Variants in NPAS3 observed in about 807,000 individuals in gnomAD.
NPAS3 encodes neuronal PAS domain protein 3, also known as neuronal PAS domain-containing protein 3.
Under a neutral mutation model 73.1 loss-of-function variants are expected in NPAS3, and 14 were observed. The observed-to-expected ratio is 0.19, with a 90% CI of 0.13 to 0.30. The LOEUF (loss-of-function observed/expected upper bound fraction) is 0.30. NPAS3 is among the 10% of genes least tolerant of loss of function. The pLI, the probability that NPAS3 is intolerant of heterozygous loss-of-function variation, is 1.00. For synonymous variants in NPAS3, 620 were observed against 541.5 expected (o/e 1.14, Z -2.01); for missense variants, 1,096 against 1,250.0 (o/e 0.88, Z 1.86).
chr14:32,992,383 T>C (rs2038369241), intron 1 of NPAS3, among the ~76,000 whole-genome samples: 1 of 152,218 alleles, frequency 6.6e-6, no homozygotes. Flanking sequence ...GTTCTAGTTA[T>C]GGTAGAAATT....
chr14:32,997,416 G>C (rs1447667763), intron 1 of NPAS3, among the ~76,000 whole-genome samples: 1 of 152,054 alleles, frequency 6.6e-6, no homozygotes, highest in Non-Finnish European at 1.5e-5. Context: ...GGAGGGACCG[G>C]GGTGAAATGA....
intron 1 of NPAS3, among the ~76,000 whole-genome samples, chr14:33,023,635 C>T (rs2039685573): frequency 6.6e-6 from 1 of 152,096 alleles, no homozygotes; most frequent in Admixed American, 6.6e-5. Context: ...CAGAATACAT[C>T]CTTTTCATAT....
intron 3 of NPAS3, among the ~76,000 whole-genome samples, chr14:33,334,114 T>G (rs962575541): frequency 6.6e-6 from 1 of 152,196 alleles, no homozygotes; most frequent in Non-Finnish European, 1.5e-5. Flanking sequence ...AAAGTCAGTA[T>G]GGCAGGTTCA....
intron 4 of NPAS3, among the ~76,000 whole-genome samples, chr14:33,384,397 G>GTT (rs34396057): frequency 6.7e-6 from 1 of 150,132 alleles, no homozygotes; most frequent in Admixed American, 6.7e-5. Context: ...GTGTGTGTGT[G>GTT]TTTTTAATGT....
chr14:33,563,533 CACACAG>C (rs1162839327), intron 5 of NPAS3, among the ~76,000 whole-genome samples: 5 of 112,490 alleles, frequency 4.4e-5, no homozygotes, highest in Non-Finnish European at 9.0e-5. Context: ...CACACACACA[CACACAG>C]AGAGAGAGAG....
intron 4 of NPAS3, among the ~76,000 whole-genome samples, chr14:33,439,858 G>C (rs567801663): frequency 1.3e-5 from 2 of 152,212 alleles, no homozygotes; most frequent in East Asian, 3.9e-4. Context: ...GCTCACGCCT[G>C]TAATCCCAGC....
At chr14:33,679,024 C>T (rs564813974) in intron 6 of NPAS3, among the ~76,000 whole-genome samples, 1 of 152,290 alleles carries the variant, frequency 6.6e-6, no homozygotes, top group South Asian at 2.1e-4. Flanking sequence ...AATCATTTAA[C>T]ATTGAAGTGT....
At chr14:33,079,680 C>T (rs567359568) in intron 2 of NPAS3, among the ~76,000 whole-genome samples, 7 of 129,798 alleles carry the variant, frequency 5.4e-5, no homozygotes, top group South Asian at 2.5e-4. Flanking sequence ...GGTGCCATCT[C>T]GGCTAACTGC....
At chr14:33,246,517 G>A (rs1355455470) in intron 3 of NPAS3, among the ~76,000 whole-genome samples, 3 of 135,094 alleles carry the variant, frequency 2.2e-5, no homozygotes, top group Admixed American at 7.9e-5. Context: ...TCCAGCCTGG[G>A]CAACAGCGAG....
intron 4 of NPAS3, among the ~76,000 whole-genome samples, chr14:33,385,782 G>A (rs757370446): frequency 2.6e-4 from 40 of 152,082 alleles, no homozygotes; most frequent in Non-Finnish European, 5.7e-4. Context: ...GCATCTGCTC[G>A]GGTTATGTCA....
intron 3 of NPAS3, among the ~76,000 whole-genome samples, chr14:33,270,166 C>A (rs1306743485): frequency 6.6e-6 from 1 of 152,116 alleles, no homozygotes; most frequent in African/African-American, 2.4e-5. Context: ...CCCCTACCAC[C>A]CTCTCCTTCC....
chr14:33,306,563 C>T (rs1303433874), intron 3 of NPAS3, among the ~76,000 whole-genome samples: 1 of 152,150 alleles, frequency 6.6e-6, no homozygotes, highest in Non-Finnish European at 1.5e-5. Context: ...GGGAATGCAT[C>T]AAACCACCCA....
intron 2 of NPAS3, among the ~76,000 whole-genome samples, chr14:33,091,327 A>G (rs1378144435): frequency 1.3e-5 from 2 of 152,222 alleles, no homozygotes; most frequent in Admixed American, 6.5e-5. Flanking sequence ...GATCCCACAG[A>G]AATACAAACT....
At chr14:33,301,324 T>TATATATA (rs56204986) in intron 3 of NPAS3, among the ~76,000 whole-genome samples, 4,503 of 75,464 alleles carry the variant, frequency 0.06, 552 homozygotes, top group African/African-American at 0.09. Context: ...ATATATATAT[T>TATATATA]TTTTTTTTTT....
intron 3 of NPAS3, among the ~76,000 whole-genome samples, chr14:33,348,820 G>A (rs563029657): frequency 1.3e-5 from 2 of 152,254 alleles, no homozygotes; most frequent in South Asian, 2.1e-4. Flanking sequence ...TAGGGATGTC[G>A]CAGGTTTCCT....
chr14:33,287,591 C>T (rs555537094), intron 3 of NPAS3, among the ~76,000 whole-genome samples: 1 of 152,234 alleles, frequency 6.6e-6, no homozygotes, highest in East Asian at 1.9e-4. Context: ...TATTTACTTA[C>T]CCTATTCCCT....
At chr14:33,323,038 C>T (rs990317922) in intron 3 of NPAS3, among the ~76,000 whole-genome samples, 7 of 152,166 alleles carry the variant, frequency 4.6e-5, no homozygotes, top group Admixed American at 6.5e-5. Context: ...TAAGACATAG[C>T]TCCTCAAAGA....
chr14:33,268,277 C>G (rs173383), intron 3 of NPAS3, among the ~76,000 whole-genome samples: 57,762 of 152,000 alleles, frequency 0.38, 11,533 homozygotes, highest in Middle Eastern at 0.49. Context: ...TTAATGAATA[C>G]AGACCTGCTT....
At chr14:33,599,793 G>T (rs185419034) in intron 5 of NPAS3, among the ~76,000 whole-genome samples, 1 of 152,248 alleles carries the variant, frequency 6.6e-6, no homozygotes, top group African/African-American at 2.4e-5. Flanking sequence ...CTGTTTTCAT[G>T]CTGACTCTTG....
Sources: allele counts gnomAD v4.1 joint callset (sites outside exome capture counted in the v4.1 genomes callset), GRCh38; gene constraint gnomAD v4.1.1; transcripts MANE v1.5; gene names NCBI Gene and HGNC (gene_info 2026-07-23, HGNC 2026-07-21).